CACNA2D3: variants seen among roughly 807,000 people sequenced by gnomAD.
The protein encoded by CACNA2D3 is voltage-dependent calcium channel subunit alpha-2/delta-3.
CACNA2D3 carries 60 observed loss-of-function variants against 160.6 expected under a neutral mutation model. That is an observed-to-expected ratio of 0.37 (90% CI 0.30 to 0.46). The LOEUF is 0.46. Ranked by LOEUF, CACNA2D3 falls within the 20% of genes least tolerant of loss-of-function variation. The probability of loss-of-function intolerance (pLI) is 1.00; values close to 1 mark genes in which losing one functional copy is unlikely to be tolerated. For missense variants in CACNA2D3, 1,205 were observed against 1,365.0 expected, an observed-to-expected ratio of 0.88 and a Z score of 1.85; for synonymous variants, 558 against 492.9, an observed-to-expected ratio of 1.13 and a Z score of -1.75.
Position 54,879,025 on chromosome 3 carries a change from A to G in CACNA2D3, c.1718A>G (p.Asn573Ser), listed in dbSNP as rs750200373. ...EWEDRDDVLRNAMVNRKTGKF... is the reference protein window; with the variant it reads ...EWEDRDDVLRSAMVNRKTGKF... ...TTTCTTTTATCATTTTAGTTGAGAA[A>G]TGCTATGGTGAATCGAAAGACGGGG... is the stretch of plus-strand genomic sequence containing the variant. The change falls in exon 19 of 38, where the codon AAT becomes AGT. Residue 573 changes from asparagine to serine, a missense_variant. Asn to Ser is a conservative substitution (Grantham distance 46). Around this residue, in one of 3 missense-constraint regions of CACNA2D3, gnomAD observed 911 missense variants for 1,002.2 expected, o/e 0.91. Coordinates refer to ENST00000474759, the MANE Select transcript of CACNA2D3 (RefSeq NM_018398.3). 1 of 1,600,674 alleles carries G rather than the reference A, an allele frequency of 6.2e-7. No individual in the cohort carries two copies. The highest frequency in any genetic ancestry group is 1.1e-5 in the South Asian group (1 of 88,426).
chr3:54,136,344 G>T (rs1048643154), intron 2 of CACNA2D3, among the ~76,000 whole-genome samples: 8 of 152,178 alleles, frequency 5.3e-5, no homozygotes, highest in African/African-American at 1.7e-4. Context: ...TTCCTCAGTT[G>T]AGGTTCAGAT....
At chr3:54,736,199 G>A (rs2107028961) in intron 11 of CACNA2D3, among the ~76,000 whole-genome samples, 1 of 147,692 alleles carries the variant, frequency 6.8e-6, no homozygotes, top group Middle Eastern at 3.4e-3. Flanking sequence ...TGTATATGGG[G>A]CATTTTGTAA....
chr3:54,461,917 G>A (rs1700512690), intron 4 of CACNA2D3, among the ~76,000 whole-genome samples: 4 of 152,204 alleles, frequency 2.6e-5, no homozygotes, highest in Admixed American at 1.3e-4. Flanking sequence ...GGCATTTAGT[G>A]CTATAAATTT....
Position 55,018,243 on chromosome 3 carries a change from T to C in CACNA2D3, c.2913T>C (p.Thr971=), listed in dbSNP as rs780376645. Residue 971 remains threonine (T), a synonymous_variant, in exon 35 of 38, where the codon ACT becomes ACC. Coordinates refer to ENST00000474759, the MANE Select transcript of CACNA2D3 (RefSeq NM_018398.3). The part of the protein sequence containing the change: ...KLKQTLEPCD[T]EYPAFVSERT... ...AACAGACCCTGGAGCCTTGTGATAC[T>C]GAATATCCAGCATTCGTCTCTGAGC... is the stretch of plus-strand genomic sequence containing the variant. The C allele has an allele frequency of 1.2e-6, 2 of 1,613,312 alleles. No homozygotes were observed. Among genetic ancestry groups the C allele is most frequent in the Non-Finnish European group, 8.5e-7 (1 of 1,179,458 alleles).
chr3:54,913,415 A>T (rs576973936), intron 27 of CACNA2D3, among the ~76,000 whole-genome samples: 3 of 152,124 alleles, frequency 2.0e-5, no homozygotes, highest in Admixed American at 2.0e-4. Context: ...GAGTATTTCA[A>T]TGGGAAATAC....
intron 25 of CACNA2D3, chr3:54,894,776 G>A (rs536288454): frequency 2.3e-6 from 1 of 426,740 alleles, no homozygotes; most frequent in African/African-American, 2.0e-5. Context: ...AAATGAAAAG[G>A]CTAAAATTTC....
chr3:54,322,138 C>T (rs1409534543), intron 3 of CACNA2D3, among the ~76,000 whole-genome samples: 1 of 152,166 alleles, frequency 6.6e-6, no homozygotes, highest in Non-Finnish European at 1.5e-5. Context: ...CAGCATGCTG[C>T]CTTGACACAG....
intron 4 of CACNA2D3, among the ~76,000 whole-genome samples, chr3:54,491,829 G>A (rs1701115900): frequency 6.6e-6 from 1 of 152,150 alleles, no homozygotes; most frequent in African/African-American, 2.4e-5. Context: ...GAAAAAGTTT[G>A]CCAACCTCTA....
At chr3:54,927,179 G>A (rs1701046023) in intron 27 of CACNA2D3, among the ~76,000 whole-genome samples, 1 of 152,202 alleles carries the variant, frequency 6.6e-6, no homozygotes, top group Non-Finnish European at 1.5e-5. Context: ...CAGCATGGCT[G>A]TCATGCACTT....
intron 18 of CACNA2D3, 120 bp from the exon 19 acceptor site, chr3:54,878,898 A>G (rs1699726326): frequency 1.8e-6 from 1 of 554,998 alleles, no homozygotes; most frequent in African/African-American, 2.0e-5. Context: ...ATTCTTCAGA[A>G]GCTCTGTTTT....
chr3:54,904,408 G>A (rs1298400731), intron 27 of CACNA2D3, among the ~76,000 whole-genome samples: 2 of 152,076 alleles, frequency 1.3e-5, no homozygotes, highest in African/African-American at 4.8e-5. Flanking sequence ...TCCTCAAATC[G>A]TCTGTCTGAC....
intron 13 of CACNA2D3, among the ~76,000 whole-genome samples, chr3:54,805,678 G>A (rs1703102980): frequency 6.6e-6 from 1 of 152,202 alleles, no homozygotes; most frequent in African/African-American, 2.4e-5. Context: ...TAGAAAAAGA[G>A]TGAATCCTCC....
intron 3 of CACNA2D3, among the ~76,000 whole-genome samples, chr3:54,330,192 G>A (rs888559507): frequency 2.1e-4 from 31 of 147,726 alleles, no homozygotes; most frequent in African/African-American, 7.6e-4. Flanking sequence ...TTTTGTTCTT[G>A]TATGCTTTTT....
At chr3:54,243,432 T>G (rs940147255) in intron 2 of CACNA2D3, among the ~76,000 whole-genome samples, 1 of 152,198 alleles carries the variant, frequency 6.6e-6, no homozygotes. Flanking sequence ...TTCATGACTT[T>G]CCTGATCTCA....
At chr3:54,636,486 T>G (rs1699374126) in intron 10 of CACNA2D3, among the ~76,000 whole-genome samples, 1 of 151,904 alleles carries the variant, frequency 6.6e-6, no homozygotes, top group South Asian at 2.1e-4. Flanking sequence ...AAATAGATTT[T>G]GGAAGTTATG....
At chr3:54,278,676 C>T (rs1350558236) in intron 2 of CACNA2D3, among the ~76,000 whole-genome samples, 1 of 152,134 alleles carries the variant, frequency 6.6e-6, no homozygotes, top group Non-Finnish European at 1.5e-5. Context: ...GAGTTCATGT[C>T]CTTTGCAGGG....
intron 9 of CACNA2D3, among the ~76,000 whole-genome samples, chr3:54,587,208 C>T (rs1252624330): frequency 6.6e-6 from 1 of 151,814 alleles, no homozygotes; most frequent in African/African-American, 2.4e-5. Flanking sequence ...TCAATGACAC[C>T]AAAAGCTGGT....
chr3:54,423,484 A>G (rs1416531007), intron 4 of CACNA2D3, among the ~76,000 whole-genome samples: 3 of 152,174 alleles, frequency 2.0e-5, no homozygotes, highest in African/African-American at 7.2e-5. Flanking sequence ...TGCCTGGCAC[A>G]GAGCTGGTAC....
At chr3:54,950,549 T>A (rs939272346) in intron 27 of CACNA2D3, among the ~76,000 whole-genome samples, 1 of 152,216 alleles carries the variant, frequency 6.6e-6, no homozygotes, top group African/African-American at 2.4e-5. Context: ...TTCCTCCTGT[T>A]TCCCAGCCTA....
Sources: allele counts gnomAD v4.1 joint callset (sites outside exome capture counted in the v4.1 genomes callset), GRCh38; gene constraint gnomAD v4.1.1; regional missense constraint gnomAD v4.1.1; transcripts MANE v1.5; gene names NCBI Gene and HGNC (gene_info 2026-07-23, HGNC 2026-07-21).